MARK4: variants seen among roughly 807,000 people sequenced by gnomAD.
The protein encoded by MARK4 is MAP/microtubule affinity-regulating kinase 4.
MARK4 carries 19 observed loss-of-function variants against 81.5 expected under a neutral mutation model. The observed-to-expected ratio is 0.23, with a 90% confidence interval of 0.16 to 0.34. The LOEUF is 0.34. Ranked by LOEUF, MARK4 falls within the 10% of genes least tolerant of loss-of-function variation. The pLI is 1.00. For missense variants in MARK4, 772 were observed against 1,058.8 expected, an observed-to-expected ratio of 0.73 and a Z score of 3.76; for synonymous variants, 436 against 439.0, an observed-to-expected ratio of 0.99 and a Z score of 0.08.
intron 14 of MARK4, among the ~76,000 whole-genome samples, 198 bp downstream of exon 14, chr19:45,294,650 C>A (rs898888815): frequency 1.3e-5 from 2 of 152,160 alleles, no homozygotes; most frequent in Admixed American, 1.3e-4. Context: ...GTCTTAAGCA[C>A]CAGGAAAGCA....
rs956827953 is a variant in MARK4 at position 45,303,704 on chromosome 19, A to C, written c.*994A>C. 2 of 152,234 alleles carry C rather than the reference A, an allele frequency of 1.3e-5. No homozygotes were observed. Among genetic ancestry groups the C allele is most frequent in the African/African-American group, 4.8e-5 (2 of 41,440 alleles). 9.4% of individuals were successfully genotyped at this position (152,234 alleles called of 1,614,324 possible). On this transcript the variant is annotated 3_prime_UTR_variant, in exon 17 of 17. Transcript: ENST00000262891. ...CCCATGCCTACTCCATGCCAGGCCC[A>C]GTGCTGGACACAGAGACATGAAGCT...
At chr19:45,257,711 A>G (rs1178150846) in intron 1 of MARK4, among the ~76,000 whole-genome samples, 1 of 128,156 alleles carries the variant, frequency 7.8e-6, no homozygotes, top group African/African-American at 3.0e-5. Context: ...TTTTTTTGAG[A>G]CAGAGTCTCG....
Position 45,278,543 on chromosome 19 carries a change from A to G in MARK4, c.934A>G (p.Ile312Val), listed in dbSNP as rs777505581. 5.9e-5 allele frequency: 95 copies of G among 1,613,776 alleles called. 1 individual carries two copies. The East Asian group carries it at 2.1e-3, about 36-fold the overall frequency. ...AATCATGAAAGACAAATGGATCAAC[A>G]TCGGCTATGAGGGTGAGGAGTTGAA... ...EQIMKDKWIN[I>V]GYEGEELKPY... Residue 312 changes from isoleucine to valine, a missense_variant, in exon 10 of 17, where the codon ATC becomes GTC. By Grantham distance (29) the Ile-to-Val change is conservative (BLOSUM62 3). Transcript: ENST00000262891.
At chr19:45,290,269 C>T (rs1162448971) in intron 13 of MARK4, among the ~76,000 whole-genome samples, 3 of 152,212 alleles carry the variant, frequency 2.0e-5, no homozygotes, top group Admixed American at 6.5e-5. Context: ...TGGCTGTTTG[C>T]GAGGTAGGGG....
Position 45,278,078 on chromosome 19 carries a change from A to G in MARK4, c.906+36A>G. On this transcript the variant is annotated intron_variant, in intron 9 of 16. Transcript: ENST00000262891. ...CCTCACAGCCAGCGGGAGCCCTTCTAGTCTCCTGACTCCCCTAAACTCTGC... is the reference window on the plus strand; with the variant it reads ...CCTCACAGCCAGCGGGAGCCCTTCTGGTCTCCTGACTCCCCTAAACTCTGC... 14 of 1,610,034 alleles carry G rather than the reference A, an allele frequency of 8.7e-6. 1 individual carries two copies. The South Asian group carries it at 1.4e-4, about 16-fold the overall frequency.
At chr19:45,294,320 C>T (rs1216999835) in intron 13 of MARK4, 29 bp from the exon 14 acceptor site, 7 of 1,603,530 alleles carry the variant, frequency 4.4e-6, no homozygotes, top group Admixed American at 3.3e-5. Flanking sequence ...TTCACCCCCT[C>T]ACTCCCTTCC....
intron 15 of MARK4, among the ~76,000 whole-genome samples, 161 bp from the exon 16 acceptor site, chr19:45,299,650 A>G (rs1240279845): frequency 2.0e-5 from 3 of 152,120 alleles, no homozygotes; most frequent in African/African-American, 7.2e-5. Flanking sequence ...GAGCCCCGTT[A>G]TGGGGATGGA....
chr19:45,269,015 A>G (rs1970491358), intron 7 of MARK4, among the ~76,000 whole-genome samples: 1 of 152,120 alleles, frequency 6.6e-6, no homozygotes, highest in Non-Finnish European at 1.5e-5. Context: ...CACCAGGGGT[A>G]CCAACCAAGG....
rs768303775 is a variant in MARK4 at position 45,269,486 on chromosome 19, G to A, written c.550-1986G>A. On this transcript the variant is annotated intron_variant, in intron 7 of 16. Transcript: ENST00000262891. ...TCTTTGTAGGGTTTGGGCCTTTATT[G>A]GGGCAGGAGCTGGGGAAGAGTGGTC... Among the ~76,000 whole-genome samples, 35 of 152,156 alleles carry A rather than the reference G, an allele frequency of 2.3e-4. 1 individual carries two copies. The highest frequency in any genetic ancestry group is 4.6e-4 in the Admixed American group (7 of 15,256).
At position 45,278,618 on chromosome 19, in the gene MARK4, G is replaced by A; in HGVS notation, c.1006+3G>A. Reference sequence around the variant, plus strand: ...CTTCGGGGACACCAAGAGAATTGGTGAGGGTCAGGGAGAGCCATCCTGTCA... The same window carrying A: ...CTTCGGGGACACCAAGAGAATTGGTAAGGGTCAGGGAGAGCCATCCTGTCA... On this transcript the variant is annotated splice_donor_region_variant and intron_variant, in intron 10 of 16. Coordinates refer to ENST00000262891, the MANE Select transcript of MARK4 (RefSeq NM_001199867.2). The A allele has an allele frequency of 6.2e-7, 1 of 1,609,886 alleles. No individual in the cohort carries two copies. Among genetic ancestry groups the A allele is most frequent in the South Asian group, 1.1e-5 (1 of 90,960 alleles).
At chr19:45,251,982 TC>T (rs1970248736) in intron 1 of MARK4, among the ~76,000 whole-genome samples, 2 of 149,700 alleles carry the variant, frequency 1.3e-5, no homozygotes, top group Admixed American at 1.3e-4. Context: ...GCCGTCCGCG[TC>T]CGACACCTCG....
chr19:45,302,390 G>A lies in MARK4; in HGVS notation c.1939G>A (p.Asp647Asn), dbSNP rs1419206065. The change falls in exon 17 of 17, where the codon GAT becomes AAT. Residue 647 changes from aspartate (D) to asparagine (N), a missense_variant. Around this residue, in one of 3 missense-constraint regions of MARK4, gnomAD observed 548 missense variants for 624.3 expected, o/e 0.88. Coordinates refer to ENST00000262891, the MANE Select transcript of MARK4 (RefSeq NM_001199867.2). This position sits in a 1 kb window ranked among gnomAD's most constrained non-coding sequence, Gnocchi z 4.9. ...PEVTSCHLPW[D>N]QTETAPRLLR... ...TCGCCTCAGTTGCCATCTACCTTGG[G>A]ATCAAACGGAAACCGCCCCCCGGCT... The A allele has an allele frequency of 6.2e-7, 1 of 1,614,094 alleles. No homozygotes were observed. Among genetic ancestry groups the A allele is most frequent in the Non-Finnish European group, 8.5e-7 (1 of 1,179,962 alleles).
intron 7 of MARK4, among the ~76,000 whole-genome samples, chr19:45,266,519 A>T (rs982381211): frequency 4.6e-5 from 7 of 152,054 alleles, no homozygotes; most frequent in African/African-American, 1.7e-4. Flanking sequence ...TGAACAAAGC[A>T]GGGAGAAACA....
At chr19:45,291,069 C>G (rs553329339) in intron 13 of MARK4, among the ~76,000 whole-genome samples, 4 of 152,266 alleles carry the variant, frequency 2.6e-5, no homozygotes, top group Admixed American at 2.0e-4. Context: ...CAAATTCATG[C>G]CCCTTGGCTC....
chr19:45,259,261 G>T, intron 2 of MARK4, 72 bp downstream of exon 2: 4 of 1,531,084 alleles, frequency 2.6e-6, no homozygotes, highest in Non-Finnish European at 3.5e-6. Flanking sequence ...TGTTGATAGA[G>T]GTCAGGATTG....
At chr19:45,266,746 T>TG (rs1160184939) in intron 7 of MARK4, among the ~76,000 whole-genome samples, 1 of 150,262 alleles carries the variant, frequency 6.7e-6, no homozygotes, top group Non-Finnish European at 1.5e-5. Flanking sequence ...TTTTTTTTTT[T>TG]TTTTGAGACA....
chr19:45,256,544 A>T (rs2123023637), intron 1 of MARK4, among the ~76,000 whole-genome samples: 1 of 152,312 alleles, frequency 6.6e-6, no homozygotes, highest in African/African-American at 2.4e-5. Context: ...AAATGTTGAC[A>T]TTTGGGTTTG....
intron 12 of MARK4, among the ~76,000 whole-genome samples, chr19:45,283,613 T>G (rs1036557392): frequency 1.3e-5 from 2 of 152,198 alleles, no homozygotes; most frequent in Non-Finnish European, 2.9e-5. Context: ...TATCAGCACT[T>G]CATTCCTTTT....
chr19:45,280,051 G>C (rs1189048867), intron 10 of MARK4: 2 of 316,404 alleles, frequency 6.3e-6, no homozygotes, highest in Admixed American at 8.8e-5. Flanking sequence ...GAATGACACA[G>C]AAATGAGTGG....
Sources: gnomAD v4.1 joint callset for allele counts (sites outside exome capture counted in the v4.1 genomes callset) on GRCh38, gnomAD v4.1.1 for gene constraint, gnomAD v4.1.1 regional missense constraint, Gnocchi (gnomAD v3.1) non-coding constraint, MANE v1.5 for transcripts, NCBI Gene and HGNC (gene_info 2026-07-23, HGNC 2026-07-21) for gene names.